The following ADGRF1 variants were observed in gnomAD, a reference collection of about 807,000 sequenced individuals.
ADGRF1 encodes G protein-coupled receptor 110.
In ADGRF1, 85 loss-of-function variants were observed where a neutral mutation model predicts 87.2. That is an observed-to-expected ratio of 0.97 (90% CI 0.82 to 1.17). The LOEUF (loss-of-function observed/expected upper bound fraction) is 1.17, where lower values mean the gene tolerates loss of function less well. ADGRF1 is among the 50% of genes most tolerant of loss of function. The probability of loss-of-function intolerance (pLI) is 0.00; values close to 1 mark genes in which losing one functional copy is unlikely to be tolerated. For missense variants in ADGRF1, 1,169 were observed against 1,077.2 expected (o/e 1.09, Z -1.19); for synonymous variants, 430 against 408.8 (o/e 1.05, Z -0.63).
rs1426940957 is a variant in ADGRF1 at position 47,021,121 on chromosome 6, T to C, written c.553-332A>G. On this transcript the variant is annotated intron_variant, in intron 6 of 14. Coordinates refer to ENST00000371253, the MANE Select transcript of ADGRF1 (RefSeq NM_153840.4). ...TTACCCAAAATCCATTTTTTCCTTA[T>C]GAAAAACAAGCCATTAATTTTTACA... Among the ~76,000 whole-genome samples the C allele has an allele frequency of 2.6e-5, 4 of 152,324 alleles. No homozygotes were observed. In the South Asian group the frequency reaches 6.2e-4, roughly 24 times the overall value.
At chr6:47,020,853 G>T in intron 6 of ADGRF1, 64 bp from the exon 7 acceptor site, 3 of 1,287,568 alleles carry the variant, frequency 2.3e-6, no homozygotes, top group South Asian at 1.2e-5. Flanking sequence ...AGACATTTGA[G>T]CAAAAATTGA....
At chr6:47,013,080 G>A in intron 9 of ADGRF1, 1 of 985,314 alleles carries the variant, frequency 1.0e-6, no homozygotes, top group Non-Finnish European at 1.2e-6. Context: ...CCCTAGATTT[G>A]GAATTTTACT....
chr6:47,023,382 A>C (rs1039287247), intron 5 of ADGRF1, among the ~76,000 whole-genome samples: 7 of 152,202 alleles, frequency 4.6e-5, no homozygotes, highest in African/African-American at 1.7e-4. Context: ...CTCTTTGCTC[A>C]GTTCCACCAA....
chr6:47,013,745 A>T (rs1779776631), intron 9 of ADGRF1: 1 of 707,036 alleles, frequency 1.4e-6, no homozygotes, highest in Admixed American at 6.3e-5. Context: ...TTGGTGGGAG[A>T]TGATTGGATC....
chr6:47,027,647 A>G (rs1473580032), intron 3 of ADGRF1, 57 bp downstream of exon 3: 1 of 1,196,032 alleles, frequency 8.4e-7, no homozygotes, highest in African/African-American at 1.5e-5. Context: ...CTGGGATTAG[A>G]AACCTGGTCC....
At chr6:47,008,062 T>C (rs1335415929) in intron 11 of ADGRF1, among the ~76,000 whole-genome samples, 1 of 152,224 alleles carries the variant, frequency 6.6e-6, no homozygotes, top group Non-Finnish European at 1.5e-5. Context: ...GATGTAAGTA[T>C]TATTATCTCT....
intron 1 of ADGRF1, among the ~76,000 whole-genome samples, chr6:47,032,260 A>G (rs1217183441): frequency 2.6e-5 from 4 of 152,196 alleles, no homozygotes; most frequent in Non-Finnish European, 5.9e-5. Context: ...TTTGAAACCA[A>G]AGCTCAAGCG....
intron 7 of ADGRF1, 38 bp from the exon 8 acceptor site, chr6:47,016,806 A>G (rs758938772): frequency 2.9e-5 from 45 of 1,543,690 alleles, no homozygotes; most frequent in Non-Finnish European, 3.9e-5. Context: ...GAGATTCACT[A>G]CTTATTTATT....
At position 47,005,972 on chromosome 6, in the gene ADGRF1, A is replaced by G. The variant is rs114884400; in HGVS notation, c.2533-96T>C. 2.8e-3 allele frequency: 2,007 copies of G among 705,424 alleles called. 38 individuals carry two copies. The African/African-American group carries it at 0.032, about 11-fold the overall frequency. 43.7% of individuals were successfully genotyped at this position (705,424 alleles called of 1,614,324 possible). ...CAGGTTGAAATGGTTATTTAATAGT[A>G]TTATTTCCTAGAAGCAGTTAGTAGA... On this transcript the variant is annotated intron_variant, in intron 12 of 14. Coordinates refer to ENST00000371253, the MANE Select transcript of ADGRF1 (RefSeq NM_153840.4).
In ADGRF1 at chr6:47,038,942, A is replaced by G. The variant is rs1318858102; in HGVS notation, c.-44+3249T>C. On this transcript the variant is annotated intron_variant, in intron 1 of 14. Coordinates refer to ENST00000371253, the MANE Select transcript of ADGRF1 (RefSeq NM_153840.4). Reference sequence around the variant, plus strand: ...GTAGAGTCGGGCTGCATGCAGTACAAACACAAGTGTAAAAGGTGTTCATGG... The same window carrying G: ...GTAGAGTCGGGCTGCATGCAGTACAGACACAAGTGTAAAAGGTGTTCATGG... Among the ~76,000 whole-genome samples, 3 of 152,216 alleles carry G rather than the reference A, an allele frequency of 2.0e-5. No individual in the cohort carries two copies. The East Asian group carries it at 5.8e-4, about 29-fold the overall frequency.
At chr6:47,040,469 C>G (rs572536438) in intron 1 of ADGRF1, among the ~76,000 whole-genome samples, 4 of 147,094 alleles carry the variant, frequency 2.7e-5, no homozygotes, top group African/African-American at 1.0e-4. Context: ...GAGACTCCGT[C>G]TCAAAAAATA....
chr6:47,018,652 C>T, intron 7 of ADGRF1: 1 of 1,270,456 alleles, frequency 7.9e-7, no homozygotes, highest in Non-Finnish European at 1.0e-6. Context: ...TGACTCATGC[C>T]TGTAATCCCA....
Position 47,000,055 on chromosome 6 carries a change from GA to G in ADGRF1, c.*166del, listed in dbSNP as rs1779318230. The G allele has an allele frequency of 1.8e-6, 1 of 543,012 alleles. No homozygotes were observed. Among genetic ancestry groups the G allele is most frequent in the African/African-American group, 1.9e-5 (1 of 52,598 alleles). 33.6% of individuals were successfully genotyped at this position (543,012 alleles called of 1,614,324 possible). On this transcript the variant is annotated 3_prime_UTR_variant, in exon 15 of 15. Transcript: ENST00000371253. Reference sequence around the variant, plus strand: ...AAATAAATCTTCTTTTCATTTAATTGAAGACAAAAGGGAGCAGTAATGAAGC... The same window carrying G: ...AAATAAATCTTCTTTTCATTTAATTGAGACAAAAGGGAGCAGTAATGAAGC...
rs779017189 is a variant in ADGRF1, at chr6:47,009,137, G to A, written c.2298C>T (p.Leu766=). Residue 766 remains leucine (L), a synonymous_variant, in exon 11 of 15, where the codon CTC becomes CTT. Coordinates refer to ENST00000371253, the MANE Select transcript of ADGRF1 (RefSeq NM_153840.4). The part of the protein sequence containing the change: ...AVNFVVVLLV[L]TKLWRPTVGE... ...CAACAGTCGGCCTCCAGAGCTTTGT[G>A]AGAACTAGCAGCACCACAACGAAGT... is the stretch of plus-strand genomic sequence containing the variant. 5 of 1,614,146 alleles carry A rather than the reference G, an allele frequency of 3.1e-6. No individual in the cohort carries two copies. Among genetic ancestry groups the A allele is most frequent in the Non-Finnish European group, 4.2e-6 (5 of 1,180,024 alleles).
chr6:47,020,203 A>G, intron 7 of ADGRF1: 1 of 1,208,884 alleles, frequency 8.3e-7, no homozygotes, highest in Non-Finnish European at 1.0e-6. Context: ...TCCAATATTT[A>G]AGGTCCTAGG....
chr6:47,005,839 CTT>C lies in ADGRF1; in HGVS notation c.2568_2569del (p.Ser857PhefsTer53). The C allele has an allele frequency of 6.2e-7, 1 of 1,611,804 alleles. No homozygotes were observed. The highest frequency in any genetic ancestry group is 8.5e-7 in the Non-Finnish European group (1 of 1,179,010). The stretch of plus-strand genomic sequence containing the variant: ...TACCTTTTCTGTTTGCTTCCAAGAA[CTT>C]AAGGCAGACAACTTGTTGAACAGAA... On this transcript the variant is annotated frameshift_variant, in exon 13 of 15. Transcript: ENST00000371253. LOFTEE classifies it high-confidence loss of function.
At chr6:47,019,825 G>A (rs901637596) in intron 7 of ADGRF1, 1 of 983,404 alleles carries the variant, frequency 1.0e-6, no homozygotes, top group African/African-American at 1.8e-5. Context: ...ATTAATAGTT[G>A]GTAATTAATG....
Position 47,028,932 on chromosome 6 carries a change from AG to A in ADGRF1, c.69+60del, listed in dbSNP as rs371399617. The stretch of plus-strand genomic sequence containing the variant: ...CCCCTAGAGAGTGAGGGGTTCTAAA[AG>A]TGCCGGAACGAGAGAGGAGAGTTAG... On this transcript the variant is annotated intron_variant, in intron 2 of 14. Coordinates refer to ENST00000371253, the MANE Select transcript of ADGRF1 (RefSeq NM_153840.4). The A allele has an allele frequency of 1.8e-3, 2,406 of 1,343,332 alleles. 39 individuals carry two copies. The South Asian group carries it at 0.022, about 12-fold the overall frequency. The allele number at this position is 1,343,332 out of a possible 1,614,324, so 83.2% of individuals were successfully genotyped here.
At chr6:47,006,415 AT>A (rs1183733859) in intron 12 of ADGRF1, among the ~76,000 whole-genome samples, 3 of 151,796 alleles carry the variant, frequency 2.0e-5, no homozygotes, top group Non-Finnish European at 2.9e-5. Context: ...ATATTTAAAA[AT>A]TTTTTTCTAT....
Sources: allele counts gnomAD v4.1 joint callset (sites outside exome capture counted in the v4.1 genomes callset), GRCh38; gene constraint gnomAD v4.1.1; transcripts MANE v1.5; gene names NCBI Gene and HGNC (gene_info 2026-07-23, HGNC 2026-07-21).